VRK1: variants seen among roughly 807,000 people sequenced by gnomAD.
The protein encoded by VRK1 is serine/threonine-protein kinase VRK1.
A neutral mutation model predicts 57.1 loss-of-function variants in VRK1; 33 were observed. The ratio of observed to expected loss-of-function variants is 0.58; its 90% CI spans 0.44 to 0.77. The LOEUF (loss-of-function observed/expected upper bound fraction) is 0.77, where lower values mean the gene tolerates loss of function less well. VRK1 is among the 30% of genes least tolerant of loss of function. The pLI is 0.00. For synonymous variants in VRK1, 137 were observed against 147.8 expected, an observed-to-expected ratio of 0.93 and a Z score of 0.53; for missense variants, 413 against 477.3, an observed-to-expected ratio of 0.87 and a Z score of 1.25.
At chr14:96,843,448 G>A (rs1488188225) in intron 3 of VRK1, among the ~76,000 whole-genome samples, 42 of 152,162 alleles carry the variant, frequency 2.8e-4, no homozygotes, top group Admixed American at 2.7e-3. Context: ...CCTCACTGAT[G>A]TTATGAGAAG....
chr14:96,803,266 G>A (rs1885737362), intron 1 of VRK1, among the ~76,000 whole-genome samples: 1 of 151,058 alleles, frequency 6.6e-6, no homozygotes, highest in African/African-American at 2.4e-5. Context: ...CCGCCTCCCA[G>A]GGTCAAGCGA....
At chr14:96,861,965 C>T (rs185804638) in intron 11 of VRK1, among the ~76,000 whole-genome samples, 3 of 152,178 alleles carry the variant, frequency 2.0e-5, no homozygotes, top group Admixed American at 6.5e-5. Flanking sequence ...GATTTCTCTG[C>T]GTTAATATTT....
At chr14:96,798,677 CCTTT>C (rs1885539243) in intron 1 of VRK1, among the ~76,000 whole-genome samples, 1 of 151,926 alleles carries the variant, frequency 6.6e-6, no homozygotes, top group Admixed American at 6.6e-5. Flanking sequence ...AATAAAGGCA[CCTTT>C]CTTTATGACA....
chr14:96,850,441 A>T (rs1289679734), intron 5 of VRK1, among the ~76,000 whole-genome samples: 2 of 152,166 alleles, frequency 1.3e-5, no homozygotes, highest in East Asian at 3.8e-4. Flanking sequence ...AATAGCTTTC[A>T]TTTTACTACT....
intron 5 of VRK1, among the ~76,000 whole-genome samples, chr14:96,851,379 G>A (rs758208259): frequency 1.3e-5 from 2 of 152,106 alleles, no homozygotes; most frequent in Non-Finnish European, 2.9e-5. Context: ...GACCTCAGGT[G>A]ATCCACCAGC....
intron 7 of VRK1, among the ~76,000 whole-genome samples, chr14:96,854,026 G>A (rs756564085): frequency 2.0e-5 from 3 of 151,462 alleles, no homozygotes; most frequent in African/African-American, 4.9e-5. Flanking sequence ...CTGTCGTCTC[G>A]TATTTGCTTC....
intron 5 of VRK1, 102 bp from the exon 6 acceptor site, chr14:96,852,729 T>G (rs1434882946): frequency 1.2e-6 from 1 of 809,740 alleles, no homozygotes; most frequent in Non-Finnish European, 2.1e-6. Context: ...GAATACTTCT[T>G]TACTAAACAT....
At chr14:96,827,396 G>A (rs78468535) in intron 1 of VRK1, among the ~76,000 whole-genome samples, 12,639 of 152,046 alleles carry the variant, frequency 0.083, 685 homozygotes, top group Non-Finnish European at 0.13. Flanking sequence ...TTTTTTGTTC[G>A]TTTGTTTGTT....
chr14:96,857,852 G>T (rs568207896), intron 10 of VRK1, among the ~76,000 whole-genome samples: 1 of 152,114 alleles, frequency 6.6e-6, no homozygotes, highest in Admixed American at 6.5e-5. Flanking sequence ...GCAATCAGTA[G>T]CCTCTCCCTC....
intron 8 of VRK1, 94 bp downstream of exon 8, chr14:96,855,450 T>G: frequency 6.3e-7 from 1 of 1,589,476 alleles, no homozygotes; most frequent in African/African-American, 1.3e-5. Flanking sequence ...AATGAATAGA[T>G]AAATAAAAAT....
At chr14:96,833,151 T>G (rs1279775225) in intron 1 of VRK1, among the ~76,000 whole-genome samples, 2 of 152,202 alleles carry the variant, frequency 1.3e-5, no homozygotes, top group Admixed American at 1.3e-4. Context: ...CACCTTTCCC[T>G]CTCAGCTTCA....
chr14:96,856,434 A>G (rs1888156477), intron 9 of VRK1, 94 bp from the exon 10 acceptor site: 1 of 1,362,802 alleles, frequency 7.3e-7, no homozygotes, highest in East Asian at 2.5e-5. Flanking sequence ...CATATTTAGG[A>G]TGTAGCACAA....
chr14:96,849,784 C>T (rs1225952448), intron 5 of VRK1, among the ~76,000 whole-genome samples: 1 of 152,104 alleles, frequency 6.6e-6, no homozygotes, highest in African/African-American at 2.4e-5. Context: ...GAATGATGGT[C>T]TTTTTAAAAG....
At chr14:96,819,772 T>C (rs922808074) in intron 1 of VRK1, among the ~76,000 whole-genome samples, 2 of 152,186 alleles carry the variant, frequency 1.3e-5, no homozygotes, top group African/African-American at 4.8e-5. Flanking sequence ...CTTGAAAAAG[T>C]GGTAGTCGGC....
chr14:96,800,955 T>C lies in VRK1; in HGVS notation c.-6+3508T>C, dbSNP rs563879054. Among the ~76,000 whole-genome samples the C allele has an allele frequency of 5.2e-4, 79 of 152,222 alleles. No individual in the cohort carries two copies. The South Asian group carries it at 0.016, about 30-fold the overall frequency. On this transcript the variant is annotated intron_variant, in intron 1 of 12. Transcript: ENST00000216639. ...CATACTGATAATGGAAGGACACGTG[T>C]CTTGTGGAGCTCAGTATCAGGAACA...
intron 9 of VRK1, 59 bp from the exon 10 acceptor site, chr14:96,856,465 ATTTT>A: frequency 6.9e-7 from 1 of 1,457,636 alleles, no homozygotes. Context: ...TGTGCTATAT[ATTTT>A]TATTTCATAT....
intron 3 of VRK1, among the ~76,000 whole-genome samples, chr14:96,838,950 A>T (rs1318553391): frequency 6.6e-6 from 1 of 152,172 alleles, no homozygotes; most frequent in East Asian, 1.9e-4. Context: ...AAGACTTTTG[A>T]CAAGCACATA....
intron 2 of VRK1, 57 bp from the exon 3 acceptor site, chr14:96,837,705 T>C: frequency 8.9e-7 from 1 of 1,128,056 alleles, no homozygotes; most frequent in Non-Finnish European, 1.2e-6. Flanking sequence ...AACCTAAATA[T>C]TAATATATTT....
chr14:96,860,399 G>A (rs548894079), intron 10 of VRK1, among the ~76,000 whole-genome samples, 158 bp from the exon 11 acceptor site: 3 of 152,074 alleles, frequency 2.0e-5, no homozygotes, highest in South Asian at 2.1e-4. Flanking sequence ...CAATTCCTGA[G>A]TTCAAAAGCA....
Sources: allele counts gnomAD v4.1 joint callset (sites outside exome capture counted in the v4.1 genomes callset), GRCh38; gene constraint gnomAD v4.1.1; transcripts MANE v1.5; gene names NCBI Gene and HGNC (gene_info 2026-07-23, HGNC 2026-07-21).